CTNNA2: variants seen among roughly 807,000 people sequenced by gnomAD.
The protein encoded by CTNNA2 is catenin alpha 2, also known as catenin alpha-2.
Under a neutral mutation model 101.0 loss-of-function variants are expected in CTNNA2, and 42 were observed. The observed-to-expected ratio is 0.42, with a 90% CI of 0.32 to 0.54. The LOEUF (loss-of-function observed/expected upper bound fraction) is 0.54. CTNNA2 is among the 20% of genes least tolerant of loss of function. CTNNA2 has a pLI of 0.14. For missense variants in CTNNA2, 871 were observed against 1,223.1 expected (o/e 0.71, Z 4.29); for synonymous variants, 450 against 456.4 (o/e 0.99, Z 0.18).
rs563754501 is a variant in CTNNA2, at chr2:79,285,961, A to C, written c.-405-26748A>C. Among the ~76,000 whole-genome samples, 388 of 148,538 alleles carry C rather than the reference A, an allele frequency of 2.6e-3. 1 individual carries two copies. Among genetic ancestry groups the C allele is most frequent in the Admixed American group, 6.3e-3 (96 of 15,218 alleles). On this transcript the variant is annotated intron_variant, in intron 2 of 21. Coordinates refer to the CTNNA2 transcript ENST00000466387. ...TCCTGTATTGGGTGCATATATATTT[A>C]GGATAGTTAGCTCTTCTTGTTGAAT...
At chr2:79,756,742 A>T in intron 3 of CTNNA2, among the ~76,000 whole-genome samples, 1 of 152,228 alleles carries the variant, frequency 6.6e-6, no homozygotes, top group Admixed American at 6.5e-5. Context: ...CAGTAACTCA[A>T]CATAAAAATG....
intron 2 of CTNNA2, among the ~76,000 whole-genome samples, chr2:79,693,303 A>T (rs529664314): frequency 1.6e-4 from 25 of 151,808 alleles, no homozygotes; most frequent in African/African-American, 6.0e-4. Context: ...TTTCATTAAG[A>T]TTTTTTATAA....
intron 2 of CTNNA2, among the ~76,000 whole-genome samples, chr2:79,660,815 A>G (rs1157167655): frequency 3.3e-5 from 5 of 152,160 alleles, no homozygotes; most frequent in Non-Finnish European, 7.3e-5. Context: ...AGTAATGTAC[A>G]GAACCCTTTT....
chr2:80,198,535 T>C (rs1257015289), intron 7 of CTNNA2, among the ~76,000 whole-genome samples: 1 of 152,210 alleles, frequency 6.6e-6, no homozygotes, highest in Non-Finnish European at 1.5e-5. Context: ...CTCTTCAGTT[T>C]ATGAGATTGC....
chr2:79,863,890 G>T (rs1291340975), intron 4 of CTNNA2, among the ~76,000 whole-genome samples: 1 of 152,096 alleles, frequency 6.6e-6, no homozygotes, highest in Non-Finnish European at 1.5e-5. Context: ...TCATGGAGGG[G>T]TGTCTTGCTG....
At chr2:80,605,957 G>T (rs1697967169) in intron 16 of CTNNA2, among the ~76,000 whole-genome samples, 1 of 151,482 alleles carries the variant, frequency 6.6e-6, no homozygotes, top group African/African-American at 2.4e-5. Context: ...TAAACTGAGG[G>T]TTTTTTTTGA....
intron 3 of CTNNA2, among the ~76,000 whole-genome samples, chr2:79,777,445 T>G (rs1674063733): frequency 6.6e-6 from 1 of 151,954 alleles, no homozygotes. Flanking sequence ...TTCCTTTATA[T>G]ATGGATGAGA....
At chr2:79,763,630 A>G (rs952082902) in intron 3 of CTNNA2, among the ~76,000 whole-genome samples, 5 of 152,112 alleles carry the variant, frequency 3.3e-5, no homozygotes, top group South Asian at 2.1e-4. Flanking sequence ...TTCCATCTCT[A>G]TGGTAGTCAT....
intron 1 of CTNNA2, chr2:79,634,748 G>A (rs1417735050): frequency 6.6e-6 from 1 of 152,224 alleles, no homozygotes; most frequent in East Asian, 1.9e-4. Context: ...TGGAAGGAAT[G>A]ACACAAGAAA....
At chr2:79,212,824 A>T (rs1674193884) in intron 2 of CTNNA2, among the ~76,000 whole-genome samples, 2 of 152,310 alleles carry the variant, frequency 1.3e-5, no homozygotes, top group South Asian at 4.1e-4. Context: ...AGTCCTGGGC[A>T]GGGGCAAATC....
At chr2:80,070,377 G>C (rs1320895996) in intron 7 of CTNNA2, among the ~76,000 whole-genome samples, 1 of 152,064 alleles carries the variant, frequency 6.6e-6, no homozygotes, top group Non-Finnish European at 1.5e-5. Flanking sequence ...TCACAAACTT[G>C]GTTGCATAAA....
At position 79,384,286 on chromosome 2, in the gene CTNNA2, A is replaced by G. The variant is rs924965626; in HGVS notation, c.-135+10273A>G. 3.3e-5 allele frequency among the ~76,000 whole-genome samples: 5 copies of G among 152,012 alleles called. No individual in the cohort carries two copies. In the East Asian group the frequency reaches 5.8e-4, roughly 18 times the overall value. On this transcript the variant is annotated intron_variant, in intron 4 of 21. Transcript: ENST00000466387. ...CTACTGAATCTTCTAGCGCTTTCAC[A>G]TTGGTAGTCAGGAAAATTTGGTTTT...
intron 4 of CTNNA2, among the ~76,000 whole-genome samples, chr2:79,420,779 G>C (rs138149432): frequency 6.6e-6 from 1 of 151,972 alleles, no homozygotes; most frequent in Non-Finnish European, 1.5e-5. Flanking sequence ...TTTATAAGCC[G>C]TTTCTCCTCC....
chr2:79,995,856 A>G (rs1692503865), intron 7 of CTNNA2, among the ~76,000 whole-genome samples: 1 of 152,204 alleles, frequency 6.6e-6, no homozygotes, highest in Non-Finnish European at 1.5e-5. Flanking sequence ...TCTGTATTCG[A>G]ACATGGATGT....
intron 9 of CTNNA2, among the ~76,000 whole-genome samples, chr2:80,481,758 T>A (rs1686165522): frequency 6.6e-6 from 1 of 152,098 alleles, no homozygotes; most frequent in African/African-American, 2.4e-5. Context: ...CCTCTATGGA[T>A]CACGGATTAT....
At chr2:79,333,956 GAC>G (rs1356290923) in intron 3 of CTNNA2, among the ~76,000 whole-genome samples, 10 of 152,010 alleles carry the variant, frequency 6.6e-5, no homozygotes, top group African/African-American at 2.4e-4. Flanking sequence ...ATTTTTAATT[GAC>G]ACATAATAAT....
chr2:80,327,702 T>C (rs1197578004), intron 7 of CTNNA2, among the ~76,000 whole-genome samples: 1 of 152,198 alleles, frequency 6.6e-6, no homozygotes, highest in Non-Finnish European at 1.5e-5. Flanking sequence ...CAGGGGAGCT[T>C]ACTTCAAACC....
chr2:79,884,147 A>G (rs1683659042), intron 6 of CTNNA2, among the ~76,000 whole-genome samples: 1 of 152,148 alleles, frequency 6.6e-6, no homozygotes, highest in Admixed American at 6.5e-5. Flanking sequence ...TTCTTCTAAC[A>G]TTTAGCTTTC....
intron 4 of CTNNA2, among the ~76,000 whole-genome samples, chr2:79,392,015 G>A (rs1678178554): frequency 6.6e-6 from 1 of 152,126 alleles, no homozygotes; most frequent in South Asian, 2.1e-4. Context: ...AAGAACACCA[G>A]TCCAATTGGA....
Sources: allele counts gnomAD v4.1 joint callset (sites outside exome capture counted in the v4.1 genomes callset), GRCh38; gene constraint gnomAD v4.1.1; transcripts MANE v1.5; gene names NCBI Gene and HGNC (gene_info 2026-07-23, HGNC 2026-07-21).